Variants in ZNF83 observed in about 807,000 individuals in gnomAD.
ZNF83 encodes zinc finger protein 83, also known as zinc finger protein 816B.
For missense variants in ZNF83, 552 were observed against 629.9 expected, an observed-to-expected ratio of 0.88 and a Z score of 1.32; for synonymous variants, 209 against 213.0, an observed-to-expected ratio of 0.98 and a Z score of 0.17.
chr19:52,669,525 T>A (rs1448162631), intron 1 of ZNF83, among the ~76,000 whole-genome samples: 1 of 152,158 alleles, frequency 6.6e-6, no homozygotes, highest in Non-Finnish European at 1.5e-5. Context: ...GATATTAGCA[T>A]AAAAAGGAAG....
chr19:52,617,023 G>C (rs1001949061), intron 2 of ZNF83: 1 of 152,134 alleles, frequency 6.6e-6, no homozygotes, highest in African/African-American at 2.4e-5. Flanking sequence ...ACATAGAGCA[G>C]GGCCTATCAG....
intron 2 of ZNF83, among the ~76,000 whole-genome samples, chr19:52,631,662 T>C (rs950839263): frequency 6.7e-4 from 102 of 152,304 alleles, no homozygotes; most frequent in African/African-American, 2.1e-3. Flanking sequence ...CACCTGACCC[T>C]CATGACTGTA....
intron 2 of ZNF83, among the ~76,000 whole-genome samples, chr19:52,629,391 TGA>T (rs920168642): frequency 1.3e-5 from 2 of 152,060 alleles, no homozygotes; most frequent in Non-Finnish European, 2.9e-5. Context: ...CAAGCATCGC[TGA>T]GTCTTTCTAA....
chr19:52,645,203 CT>C (rs1225263655), intron 3 of ZNF83, among the ~76,000 whole-genome samples: 1 of 152,080 alleles, frequency 6.6e-6, no homozygotes, highest in Non-Finnish European at 1.5e-5. Flanking sequence ...TTAAACTACA[CT>C]TTGATGTTAC....
At chr19:52,614,960 ATAT>A in intron 2 of ZNF83, among the ~76,000 whole-genome samples, 163 bp from the exon 3 acceptor site, 1 of 152,322 alleles carries the variant, frequency 6.6e-6, no homozygotes, top group South Asian at 2.1e-4. Context: ...AAAGGAACAG[ATAT>A]TTTCTAATAG....
intron 1 of ZNF83, among the ~76,000 whole-genome samples, chr19:52,673,458 G>A (rs368029601): frequency 3.3e-5 from 5 of 151,766 alleles, no homozygotes; most frequent in Admixed American, 1.3e-4. Flanking sequence ...AGCTGAGATC[G>A]CACCACTACA....
intron 1 of ZNF83, among the ~76,000 whole-genome samples, chr19:52,668,968 GTTCA>G (rs2061688804): frequency 6.6e-6 from 1 of 152,154 alleles, no homozygotes; most frequent in South Asian, 2.1e-4. Context: ...CCAACACTAA[GTTCA>G]CTTTATGTCC....
At chr19:52,689,607 C>T (rs1002808064) in intron 1 of ZNF83, among the ~76,000 whole-genome samples, 1 of 152,152 alleles carries the variant, frequency 6.6e-6, no homozygotes, top group Non-Finnish European at 1.5e-5. Context: ...TACATTTCTG[C>T]ACTTGCTTTT....
chr19:52,677,122 AT>A (rs1352358880), intron 1 of ZNF83, among the ~76,000 whole-genome samples: 243 of 50,436 alleles, frequency 4.8e-3, no homozygotes, highest in African/African-American at 0.025. Context: ...AGAATGATCA[AT>A]TAAAAAAAAA....
intron 1 of ZNF83, among the ~76,000 whole-genome samples, chr19:52,665,661 A>G (rs1202181446): frequency 6.6e-6 from 1 of 151,866 alleles, no homozygotes; most frequent in African/African-American, 2.4e-5. Context: ...TTCCATAATC[A>G]TTTTTCCCAC....
At chr19:52,623,770 G>A (rs1164307574) in intron 2 of ZNF83, among the ~76,000 whole-genome samples, 4 of 151,976 alleles carry the variant, frequency 2.6e-5, no homozygotes, top group Non-Finnish European at 4.4e-5. Flanking sequence ...GTTATCACTC[G>A]CCTGCTACAG....
At chr19:52,646,119 T>C (rs1277666792) in intron 3 of ZNF83, among the ~76,000 whole-genome samples, 1 of 152,030 alleles carries the variant, frequency 6.6e-6, no homozygotes, top group African/African-American at 2.4e-5. Flanking sequence ...TTTGTATTTT[T>C]AGTAGAGACC....
intron 2 of ZNF83, among the ~76,000 whole-genome samples, chr19:52,620,254 C>CTCTCTGTG (rs55700493): frequency 7.4e-6 from 1 of 134,362 alleles, no homozygotes; most frequent in East Asian, 2.2e-4. Context: ...GTGTGTATAT[C>CTCTCTGTG]TGTGTGTGTA....
intron 2 of ZNF83, among the ~76,000 whole-genome samples, chr19:52,625,738 T>G (rs1011466078): frequency 6.6e-5 from 10 of 152,194 alleles, no homozygotes; most frequent in Middle Eastern, 3.2e-3. Flanking sequence ...CTCTTCTTAT[T>G]TACTTATATC....
intron 3 of ZNF83, among the ~76,000 whole-genome samples, chr19:52,653,535 A>G (rs2061469971): frequency 6.6e-6 from 1 of 152,134 alleles, no homozygotes; most frequent in South Asian, 2.1e-4. Context: ...GTGATCTGCA[A>G]CTGTAAACTT....
At chr19:52,626,893 A>G (rs755925595) in intron 2 of ZNF83, among the ~76,000 whole-genome samples, 46 of 152,144 alleles carry the variant, frequency 3.0e-4, no homozygotes, top group Non-Finnish European at 5.9e-4. Flanking sequence ...GAAGACAGGA[A>G]TGTCAGGCCT....
chr19:52,687,494 A>T (rs188921517), intron 1 of ZNF83, among the ~76,000 whole-genome samples: 1 of 24,416 alleles, frequency 4.1e-5, no homozygotes, highest in Admixed American at 3.5e-4. Flanking sequence ...ATTATAATTT[A>T]TATAGATATA....
intron 1 of ZNF83, chr19:52,636,725 G>A (rs553076090): frequency 7.2e-5 from 11 of 152,014 alleles, no homozygotes; most frequent in South Asian, 4.2e-4. Context: ...ACATGATCTC[G>A]GCTCACTGCA....
chr19:52,665,913 C>A (rs1313931682), intron 1 of ZNF83, among the ~76,000 whole-genome samples: 1 of 151,984 alleles, frequency 6.6e-6, no homozygotes, highest in Non-Finnish European at 1.5e-5. Context: ...GTAATCCCCC[C>A]ACTTTGGGAG....
Sources: allele counts gnomAD v4.1 joint callset (sites outside exome capture counted in the v4.1 genomes callset), GRCh38; gene constraint gnomAD v4.1.1; transcripts MANE v1.5; gene names NCBI Gene and HGNC (gene_info 2026-07-23, HGNC 2026-07-21).